Variants in ASIC2 observed in about 807,000 individuals in gnomAD.
ASIC2 encodes acid-sensing ion channel 2.
Under a neutral mutation model 57.3 loss-of-function variants are expected in ASIC2, and 25 were observed. The ratio of observed to expected loss-of-function variants is 0.44; its 90% CI spans 0.32 to 0.61. The LOEUF is 0.61. Among genes scored for constraint, ASIC2 ranks in the 20% least tolerant of loss-of-function variants. The probability of loss-of-function intolerance (pLI) is 0.06; values close to 1 mark genes in which losing one functional copy is unlikely to be tolerated. For missense variants in ASIC2, 641 were observed against 738.1 expected (o/e 0.87, Z 1.52); for synonymous variants, 319 against 307.5 (o/e 1.04, Z -0.39).
intron 3 of ASIC2, among the ~76,000 whole-genome samples, chr17:33,057,089 T>C (rs987102702): frequency 2.0e-5 from 3 of 152,150 alleles, no homozygotes; most frequent in African/African-American, 7.2e-5. Flanking sequence ...TAGGGCTGTC[T>C]GCTGTAATAT....
intron 1 of ASIC2, among the ~76,000 whole-genome samples, chr17:33,907,265 C>T (rs1014120317): frequency 3.8e-4 from 58 of 152,088 alleles, no homozygotes; most frequent in Non-Finnish European, 5.9e-5. Context: ...GGGGGTCAGG[C>T]GATAAGACAA....
At chr17:33,158,421 A>C (rs902155378) in intron 1 of ASIC2, among the ~76,000 whole-genome samples, 3 of 152,046 alleles carry the variant, frequency 2.0e-5, no homozygotes, top group African/African-American at 7.2e-5. Flanking sequence ...GATTTCCCCT[A>C]CTGGTCTAGG....
At chr17:33,819,615 T>C (rs1247359775) in intron 1 of ASIC2, among the ~76,000 whole-genome samples, 1 of 152,202 alleles carries the variant, frequency 6.6e-6, no homozygotes, top group Admixed American at 6.5e-5. Context: ...CAGGGATCAT[T>C]GCAGTTTGGG....
At chr17:33,739,551 G>A (rs1910030353) in intron 1 of ASIC2, among the ~76,000 whole-genome samples, 1 of 152,230 alleles carries the variant, frequency 6.6e-6, no homozygotes, top group Non-Finnish European at 1.5e-5. Flanking sequence ...CTGTGAAGGT[G>A]CAGTGAATTC....
intron 1 of ASIC2, among the ~76,000 whole-genome samples, chr17:34,010,018 C>G (rs539609848): frequency 1.3e-5 from 2 of 152,306 alleles, no homozygotes; most frequent in East Asian, 3.9e-4. Flanking sequence ...CCCGCTGTAA[C>G]AGCAGCATCG....
intron 1 of ASIC2, among the ~76,000 whole-genome samples, chr17:33,245,062 A>G (rs1402182893): frequency 6.6e-6 from 1 of 152,224 alleles, no homozygotes; most frequent in East Asian, 1.9e-4. Flanking sequence ...CATAATAATT[A>G]TACTAATATA....
At chr17:33,265,008 T>G (rs890412936) in intron 1 of ASIC2, among the ~76,000 whole-genome samples, 2 of 152,226 alleles carry the variant, frequency 1.3e-5, no homozygotes, top group African/African-American at 4.8e-5. Flanking sequence ...GTGGCCACCT[T>G]CACTGGAGGA....
chr17:34,066,827 G>A (rs1192192138), intron 1 of ASIC2, among the ~76,000 whole-genome samples: 1 of 152,146 alleles, frequency 6.6e-6, no homozygotes, highest in Non-Finnish European at 1.5e-5. Flanking sequence ...GAAGTTTCCA[G>A]GGAACTCGAA....
chr17:33,913,746 T>C (rs1027317353), intron 1 of ASIC2, among the ~76,000 whole-genome samples: 4 of 152,054 alleles, frequency 2.6e-5, no homozygotes, highest in Non-Finnish European at 5.9e-5. Flanking sequence ...ATAATATAAA[T>C]AAAATGATAA....
intron 3 of ASIC2, among the ~76,000 whole-genome samples, chr17:33,078,413 A>G (rs559877288): frequency 6.6e-6 from 1 of 152,364 alleles, no homozygotes; most frequent in South Asian, 2.1e-4. Context: ...TTCAAAGAGT[A>G]TTTAAGTTAC....
chr17:33,264,536 T>A (rs1416954526), intron 1 of ASIC2, among the ~76,000 whole-genome samples: 1 of 152,212 alleles, frequency 6.6e-6, no homozygotes, highest in Non-Finnish European at 1.5e-5. Context: ...TCAGAACCAC[T>A]GCATCCCATA....
intron 1 of ASIC2, among the ~76,000 whole-genome samples, chr17:33,374,268 A>G (rs1489921236): frequency 1.3e-5 from 2 of 152,112 alleles, no homozygotes; most frequent in East Asian, 3.9e-4. Context: ...AAGTGCTGGG[A>G]TTACAGGTGT....
intron 1 of ASIC2, chr17:34,003,901 A>C (rs1317119713): frequency 2.0e-5 from 3 of 152,210 alleles, no homozygotes; most frequent in Non-Finnish European, 4.4e-5. Context: ...CCTGACTTGC[A>C]ATCCTCCCTG....
chr17:33,776,132 C>CAAAAAAAAAAAAAAAAAAAAAAAAAAAA (rs35541526), intron 1 of ASIC2, among the ~76,000 whole-genome samples: 1 of 127,502 alleles, frequency 7.8e-6, no homozygotes, highest in African/African-American at 2.9e-5. Flanking sequence ...GACTCTGTCT[C>CAAAAAAAAAAAAAAAAAAAAAAAAAAAA]AAAAAAAAAA....
chr17:33,800,528 A>T (rs1222034810), intron 1 of ASIC2, among the ~76,000 whole-genome samples: 1 of 152,164 alleles, frequency 6.6e-6, no homozygotes, highest in African/African-American at 2.4e-5. Context: ...GGAGGAGCAG[A>T]TCCATTAGAA....
intron 1 of ASIC2, among the ~76,000 whole-genome samples, chr17:33,651,252 C>T (rs1240284447): frequency 2.0e-5 from 3 of 151,944 alleles, no homozygotes; most frequent in Non-Finnish European, 4.4e-5. Flanking sequence ...TGGTTTTGAT[C>T]ATTTGTTATG....
chr17:33,459,201 G>C (rs1189683167), intron 1 of ASIC2, among the ~76,000 whole-genome samples: 1 of 151,934 alleles, frequency 6.6e-6, no homozygotes, highest in African/African-American at 2.4e-5. Flanking sequence ...GGCTAGCCAT[G>C]GGGGCAGCAG....
intron 1 of ASIC2, among the ~76,000 whole-genome samples, chr17:34,035,976 G>A (rs949718249): frequency 2.0e-5 from 3 of 151,758 alleles, no homozygotes; most frequent in Admixed American, 1.3e-4. Context: ...TCAGTGTCAC[G>A]ATTCCTCAGA....
intron 1 of ASIC2, among the ~76,000 whole-genome samples, chr17:33,640,656 G>A (rs1254037221): frequency 6.6e-6 from 1 of 152,232 alleles, no homozygotes; most frequent in Admixed American, 6.5e-5. Context: ...GCCCTGTTGA[G>A]TAGCGTTCAG....
Sources: gnomAD v4.1 joint callset for allele counts (sites outside exome capture counted in the v4.1 genomes callset) on GRCh38, gnomAD v4.1.1 for gene constraint, MANE v1.5 for transcripts, NCBI Gene and HGNC (gene_info 2026-07-23, HGNC 2026-07-21) for gene names.